The following RILPL1 variants were observed in gnomAD, a reference collection of about 807,000 sequenced individuals.
The protein encoded by RILPL1 is Rab interacting lysosomal protein like 1.
RILPL1 carries 33 observed loss-of-function variants against 50.3 expected under a neutral mutation model. The ratio of observed to expected loss-of-function variants is 0.66; its 90% CI spans 0.50 to 0.88. RILPL1 has a LOEUF of 0.88. Ranked by LOEUF, RILPL1 falls within the 40% of genes least tolerant of loss-of-function variation. The pLI, the probability that RILPL1 is intolerant of heterozygous loss-of-function variation, is 0.00. For synonymous variants in RILPL1, 205 were observed against 228.6 expected, an observed-to-expected ratio of 0.90 and a Z score of 0.93; for missense variants, 418 against 542.5, an observed-to-expected ratio of 0.77 and a Z score of 2.28.
chr12:123,524,592 G>A (rs1371508489), intron 1 of RILPL1, among the ~76,000 whole-genome samples: 1 of 152,126 alleles, frequency 6.6e-6, no homozygotes, highest in Admixed American at 6.6e-5. Flanking sequence ...AACATTATTC[G>A]GCCATGAAAA....
Position 123,525,365 on chromosome 12 carries a change from C to T in RILPL1, c.310-1720G>A, listed in dbSNP as rs1056632063. Among the ~76,000 whole-genome samples the T allele has an allele frequency of 4.7e-5, 7 of 148,928 alleles. 1 individual carries two copies. The highest frequency in any genetic ancestry group is 2.1e-4 in the Admixed American group (3 of 14,552). Reference sequence around the variant, plus strand: ...CCCAGTAGCTGGGACTACAGGCAGACGCCACCATGACTGGCTAATTTTTTT... The same window carrying T: ...CCCAGTAGCTGGGACTACAGGCAGATGCCACCATGACTGGCTAATTTTTTT... On this transcript the variant is annotated intron_variant, in intron 1 of 6. Transcript: ENST00000376874.
At chr12:123,519,438 C>T (rs1884900122) in intron 2 of RILPL1, 1 of 152,238 alleles carries the variant, frequency 6.6e-6, no homozygotes, top group South Asian at 2.1e-4. Flanking sequence ...GTACAGGAGC[C>T]TGCCAGGTGC....
At chr12:123,515,768 C>T (rs1051768541) in intron 2 of RILPL1, among the ~76,000 whole-genome samples, 4 of 149,652 alleles carry the variant, frequency 2.7e-5, no homozygotes, top group Non-Finnish European at 5.9e-5. Flanking sequence ...GGCGTGGTGG[C>T]TCACGCCTGT....
Position 123,498,736 on chromosome 12 carries a change from C to T in RILPL1, c.609G>A (p.Lys203=), listed in dbSNP as rs758000795. ...CCCGGTGCCGAAGGTCATGGTTGAT[C>T]TTCATCAGCCGTGTCTGCTGCTGCT... ...ALQQQQTRLM[K]INHDLRHRVT... Residue 203 remains lysine, a synonymous_variant, in exon 4 of 7, where the codon AAG becomes AAA. Transcript: ENST00000376874. The surrounding 1 kb of genome is among the most constrained non-coding windows in gnomAD (Gnocchi z 4.3). The T allele has an allele frequency of 9.9e-6, 16 of 1,613,184 alleles. No homozygotes were observed. Among genetic ancestry groups the T allele is most frequent in the Non-Finnish European group, 1.4e-5 (16 of 1,179,892 alleles).
At chr12:123,510,855 G>GTA (rs1884084954) in intron 2 of RILPL1, among the ~76,000 whole-genome samples, 1 of 131,798 alleles carries the variant, frequency 7.6e-6, no homozygotes, top group Non-Finnish European at 1.6e-5. Flanking sequence ...GTGTGTGTGT[G>GTA]GTGTGTGAGG....
Position 123,523,652 on chromosome 12 carries a change from AG to A in RILPL1, c.310-8del. On this transcript the variant is annotated splice_polypyrimidine_tract_variant and splice_region_variant and intron_variant, in intron 1 of 6. Coordinates refer to ENST00000376874, the MANE Select transcript of RILPL1 (RefSeq NM_178314.5). ...CCTCCACCAGCTCCAGCTCCTGCCA[AG>A]GCAAGGGGACAGCATGGGGTCACTG... The A allele has an allele frequency of 6.2e-7, 1 of 1,612,554 alleles. No homozygotes were observed. Among genetic ancestry groups the A allele is most frequent in the Non-Finnish European group, 8.5e-7 (1 of 1,179,618 alleles).
Position 123,489,306 on chromosome 12 carries a change from GA to G in RILPL1, c.802-3502del, listed in dbSNP as rs111661246. On this transcript the variant is annotated intron_variant, in intron 4 of 6. Transcript: ENST00000376874. The surrounding 1 kb of genome is among the most constrained non-coding windows in gnomAD (Gnocchi z 4.0). Reference sequence around the variant, plus strand: ...GGAGGCTGAGGCAGGCGGATCACCTGAAGTCAGGAGTTCGAGACCAGCCTGG... The same window carrying G: ...GGAGGCTGAGGCAGGCGGATCACCTGAGTCAGGAGTTCGAGACCAGCCTGG... 6.6e-5 allele frequency among the ~76,000 whole-genome samples: 10 copies of G among 152,236 alleles called. 1 individual carries two copies. Among genetic ancestry groups the G allele is most frequent in the Admixed American group, 2.0e-4 (3 of 15,280 alleles).
chr12:123,485,487 T>C lies in RILPL1; in HGVS notation c.974+146A>G, dbSNP rs906467324. 4.2e-6 allele frequency: 3 copies of C among 718,978 alleles called. No individual in the cohort carries two copies. The highest frequency in any genetic ancestry group is 3.6e-5 in the African/African-American group (2 of 55,746). The allele number at this position is 718,978 out of a possible 1,614,324, so 44.5% of individuals were successfully genotyped here. ...TTCAGAAAGGGGTTGTGAGCTTGTA[T>C]GTAAGTTCTTTAGGCCAGAGAGGGT... On this transcript the variant is annotated intron_variant, in intron 5 of 6. Coordinates refer to ENST00000376874, the MANE Select transcript of RILPL1 (RefSeq NM_178314.5). The surrounding 1 kb of genome is among the most constrained non-coding windows in gnomAD (Gnocchi z 4.0).
At chr12:123,514,088 A>G (rs960542543) in intron 2 of RILPL1, 4 of 152,302 alleles carry the variant, frequency 2.6e-5, no homozygotes, top group Non-Finnish European at 5.9e-5. Flanking sequence ...AAGAATGGAT[A>G]AGCACAACGC....
intron 6 of RILPL1, among the ~76,000 whole-genome samples, chr12:123,481,892 A>G (rs1404593591): frequency 6.8e-6 from 1 of 147,942 alleles, no homozygotes. Flanking sequence ...CTTTTTTGAG[A>G]TGGAGTCTCG....
chr12:123,512,486 CTG>C (rs200351435), intron 2 of RILPL1, among the ~76,000 whole-genome samples: 16 of 77,978 alleles, frequency 2.1e-4, no homozygotes, highest in South Asian at 1.3e-3. Flanking sequence ...TGTGTGAGGT[CTG>C]TGTGTGTGTG....
chr12:123,507,707 C>T (rs775148808), intron 2 of RILPL1, among the ~76,000 whole-genome samples: 3 of 151,866 alleles, frequency 2.0e-5, no homozygotes, highest in Non-Finnish European at 4.4e-5. Flanking sequence ...TTTGGAAGGC[C>T]GGGGTGGGTG....
At chr12:123,502,606 C>A (rs1883467039) in intron 2 of RILPL1, among the ~76,000 whole-genome samples, 1 of 151,482 alleles carries the variant, frequency 6.6e-6, no homozygotes, top group Admixed American at 6.6e-5. Flanking sequence ...CACAGGAGGG[C>A]AAGGCCCTAT....
intron 6 of RILPL1, among the ~76,000 whole-genome samples, chr12:123,481,754 T>C (rs959967162): frequency 6.0e-5 from 9 of 150,592 alleles, no homozygotes; most frequent in East Asian, 2.0e-4. Flanking sequence ...ATGGGGTTTC[T>C]CCGTATTGGT....
chr12:123,472,609 C>T lies in RILPL1; in HGVS notation c.1141G>A (p.Gly381Arg). 1 of 1,580,170 alleles carries T rather than the reference C, an allele frequency of 6.3e-7. No individual in the cohort carries two copies. Among genetic ancestry groups the T allele is most frequent in the Non-Finnish European group, 8.6e-7 (1 of 1,162,790 alleles). ...QRNVHIQESF[G>R]QWANTHRDDG... ...TCGCGGTGGGTGTTTGCCCACTGTC[C>T]AAAGGACTCCTGGATGTGCACGTTT... Residue 381 changes from glycine to arginine, a missense_variant, in exon 7 of 7, where the codon GGA becomes AGA. Physicochemically the swap from Gly to Arg is moderately radical, Grantham distance 125. Transcript: ENST00000376874.
chr12:123,521,633 ACATATG>A (rs1185956121), intron 2 of RILPL1, among the ~76,000 whole-genome samples: 2 of 6,190 alleles, frequency 3.2e-4, no homozygotes, highest in South Asian at 0.019. Context: ...ATATATACAC[ACATATG>A]TGTATATATA....
rs1375556758 is a variant in RILPL1, at chr12:123,498,660, G to A, written c.685C>T (p.Leu229=). The change falls in exon 4 of 7, where the codon CTG becomes TTG. Residue 229 remains leucine (L), a synonymous_variant. Transcript: ENST00000376874. The surrounding 1 kb of genome is among the most constrained non-coding windows in gnomAD (Gnocchi z 4.3). The part of the protein sequence containing the change: ...GKALIEQKVE[L]EADLQTKEQE... ...TCCTTGGTCTGCAGGTCTGCCTCCA[G>A]CTCCACCTTCTGTTCGATCAGGGCT... 1.9e-6 allele frequency: 3 copies of A among 1,613,620 alleles called. No individual in the cohort carries two copies. The highest frequency in any genetic ancestry group is 2.7e-5 in the African/African-American group (2 of 74,918).
chr12:123,512,084 TG>T (rs1471290759), intron 2 of RILPL1, among the ~76,000 whole-genome samples: 7 of 101,252 alleles, frequency 6.9e-5, no homozygotes, highest in African/African-American at 1.9e-4. Context: ...TGTGTGTGTG[TG>T]GTGTGTGTGA....
At chr12:123,483,995 C>T (rs1882160714) in intron 6 of RILPL1, among the ~76,000 whole-genome samples, 185 bp downstream of exon 6, 1 of 152,186 alleles carries the variant, frequency 6.6e-6, no homozygotes, top group Admixed American at 6.5e-5. Context: ...TGCCCAGAGA[C>T]CCCCAGGAGG....
Sources: allele counts gnomAD v4.1 joint callset (sites outside exome capture counted in the v4.1 genomes callset), GRCh38; gene constraint gnomAD v4.1.1; non-coding constraint Gnocchi (gnomAD v3.1); transcripts MANE v1.5; gene names NCBI Gene and HGNC (gene_info 2026-07-23, HGNC 2026-07-21).